The following CNTN5 variants were observed in gnomAD, a reference collection of about 807,000 sequenced individuals.
CNTN5 encodes the protein contactin-5.
A neutral mutation model predicts 129.1 loss-of-function variants in CNTN5; 77 were observed. The ratio of observed to expected loss-of-function variants is 0.60; its 90% CI spans 0.50 to 0.72. The LOEUF is 0.72. Among genes scored for constraint, CNTN5 ranks in the 30% least tolerant of loss-of-function variants. CNTN5 has a pLI of 0.00. For synonymous variants in CNTN5, 509 were observed against 465.6 expected (o/e 1.09, Z -1.20); for missense variants, 1,478 against 1,328.8 (o/e 1.11, Z -1.75).
intron 3 of CNTN5, among the ~76,000 whole-genome samples, chr11:99,633,408 T>C (rs1951436347): frequency 6.6e-6 from 1 of 152,224 alleles, no homozygotes; most frequent in Non-Finnish European, 1.5e-5. Flanking sequence ...ACATGTCTAA[T>C]AAAGAGCAAG....
intron 3 of CNTN5, among the ~76,000 whole-genome samples, chr11:99,564,228 T>G (rs538982003): frequency 6.6e-6 from 1 of 152,184 alleles, no homozygotes; most frequent in Non-Finnish European, 1.5e-5. Flanking sequence ...ACTACAGGCA[T>G]GTGTCACCAC....
intron 3 of CNTN5, among the ~76,000 whole-genome samples, chr11:99,807,231 G>A (rs954034631): frequency 7.9e-5 from 12 of 152,122 alleles, no homozygotes; most frequent in African/African-American, 2.7e-4. Context: ...GCTCTTTTAT[G>A]ATGCTAACAG....
At chr11:99,061,043 A>AT (rs933096862) in intron 1 of CNTN5, among the ~76,000 whole-genome samples, 20 of 151,502 alleles carry the variant, frequency 1.3e-4, no homozygotes, top group South Asian at 6.3e-4. Flanking sequence ...AATTTCTGAG[A>AT]TTTTTTTTTC....
chr11:99,642,387 T>A (rs1951802710), intron 3 of CNTN5, among the ~76,000 whole-genome samples: 1 of 152,186 alleles, frequency 6.6e-6, no homozygotes, highest in Non-Finnish European at 1.5e-5. Flanking sequence ...TCATTTGTAA[T>A]AGAAATTTTC....
At chr11:100,145,525 G>T (rs116232821) in intron 13 of CNTN5, among the ~76,000 whole-genome samples, 3,585 of 152,244 alleles carry the variant, frequency 0.024, 135 homozygotes, top group African/African-American at 0.083. Context: ...ACTGGGACTT[G>T]ACAGGAGCCT....
chr11:100,022,043 AGGTCTTCCTGAGGGTG>A (rs995185406), intron 9 of CNTN5, among the ~76,000 whole-genome samples: 45 of 152,272 alleles, frequency 3.0e-4, no homozygotes, highest in Admixed American at 2.7e-3. Flanking sequence ...CATTGTGGGT[AGGTCTTCCTGAGGGTG>A]GGTCTTCCTC....
chr11:100,297,031 T>C (rs1337045767), intron 18 of CNTN5, among the ~76,000 whole-genome samples: 1 of 151,618 alleles, frequency 6.6e-6, no homozygotes, highest in Non-Finnish European at 1.5e-5. Flanking sequence ...ATTTATTCTT[T>C]TAATAGTTAT....
chr11:99,822,956 T>C (rs961333216), intron 4 of CNTN5, among the ~76,000 whole-genome samples: 1 of 152,244 alleles, frequency 6.6e-6, no homozygotes, highest in African/African-American at 2.4e-5. Flanking sequence ...TGCTGAGAGC[T>C]GTCCTATTGA....
chr11:99,991,081 T>C (rs1477139576), intron 8 of CNTN5, among the ~76,000 whole-genome samples: 2 of 152,240 alleles, frequency 1.3e-5, no homozygotes, highest in East Asian at 1.9e-4. Flanking sequence ...TCTAGTGTTA[T>C]GAATGTGACA....
chr11:99,744,573 A>T (rs921105795), intron 3 of CNTN5, among the ~76,000 whole-genome samples: 3 of 120,926 alleles, frequency 2.5e-5, no homozygotes, highest in Non-Finnish European at 3.4e-5. Context: ...AAAAAAAAAA[A>T]GCTGGGTGTA....
intron 2 of CNTN5, among the ~76,000 whole-genome samples, chr11:99,334,099 C>T (rs1438045375): frequency 6.6e-6 from 1 of 151,830 alleles, no homozygotes; most frequent in African/African-American, 2.4e-5. Context: ...CACATACACG[C>T]CTTGAGTGAT....
At chr11:99,087,704 C>G (rs1040157857) in intron 1 of CNTN5, among the ~76,000 whole-genome samples, 1 of 152,178 alleles carries the variant, frequency 6.6e-6, no homozygotes, top group Non-Finnish European at 1.5e-5. Flanking sequence ...GTAACTACTT[C>G]ATAAATATTA....
At chr11:99,589,192 TA>T (rs1297078037) in intron 3 of CNTN5, among the ~76,000 whole-genome samples, 2 of 152,114 alleles carry the variant, frequency 1.3e-5, no homozygotes, top group Non-Finnish European at 2.9e-5. Flanking sequence ...TTAGTAGTGG[TA>T]AATGCTTTAT....
At chr11:99,394,222 G>A (rs2136194233) in intron 2 of CNTN5, among the ~76,000 whole-genome samples, 1 of 151,740 alleles carries the variant, frequency 6.6e-6, no homozygotes, top group African/African-American at 2.4e-5. Flanking sequence ...AAAGTCAACA[G>A]CCAGCAAGGG....
At chr11:99,953,774 C>A (rs1448418003) in intron 7 of CNTN5, among the ~76,000 whole-genome samples, 1 of 152,120 alleles carries the variant, frequency 6.6e-6, no homozygotes, top group Admixed American at 6.6e-5. Context: ...CAATGAGAAA[C>A]CAAAAGCCTA....
At chr11:100,058,251 CG>C (rs1251540524) in intron 9 of CNTN5, among the ~76,000 whole-genome samples, 1 of 152,062 alleles carries the variant, frequency 6.6e-6, no homozygotes, top group East Asian at 1.9e-4. Context: ...ACTCCACTGA[CG>C]GTGGCAGACC....
intron 2 of CNTN5, among the ~76,000 whole-genome samples, chr11:99,454,772 A>C (rs916002688): frequency 1.6e-4 from 24 of 152,236 alleles, no homozygotes; most frequent in African/African-American, 5.1e-4. Flanking sequence ...TAACATTATA[A>C]ATTTTTAAAA....
chr11:100,100,466 T>C (rs77743012), intron 13 of CNTN5, among the ~76,000 whole-genome samples: 7,837 of 152,182 alleles, frequency 0.051, 302 homozygotes, highest in African/African-American at 0.12. Context: ...TACAAACATT[T>C]ACCATAGAAC....
intron 2 of CNTN5, among the ~76,000 whole-genome samples, chr11:99,391,519 G>A (rs971682005): frequency 2.0e-5 from 3 of 152,050 alleles, no homozygotes; most frequent in Non-Finnish European, 2.9e-5. Context: ...ACAAGCTTTC[G>A]CTAAGATATA....
Sources: gnomAD v4.1 joint callset for allele counts (sites outside exome capture counted in the v4.1 genomes callset) on GRCh38, gnomAD v4.1.1 for gene constraint, MANE v1.5 for transcripts, NCBI Gene and HGNC (gene_info 2026-07-23, HGNC 2026-07-21) for gene names.